TMEFF2: variants seen among roughly 807,000 people sequenced by gnomAD.
The protein encoded by TMEFF2 is tomoregulin-2.
In TMEFF2, 28 loss-of-function variants were observed where a neutral mutation model predicts 53.8. The ratio of observed to expected loss-of-function variants is 0.52; its 90% CI spans 0.39 to 0.71. The LOEUF is 0.71. TMEFF2 is among the 30% of genes least tolerant of loss of function. The probability of loss-of-function intolerance (pLI) is 0.00; values close to 1 mark genes in which losing one functional copy is unlikely to be tolerated. For synonymous variants in TMEFF2, 162 were observed against 166.3 expected, an observed-to-expected ratio of 0.97 and a Z score of 0.20; for missense variants, 353 against 455.2, an observed-to-expected ratio of 0.78 and a Z score of 2.04.
chr2:192,063,412 T>A (rs908912718), intron 4 of TMEFF2, among the ~76,000 whole-genome samples: 1 of 151,916 alleles, frequency 6.6e-6, no homozygotes, highest in Admixed American at 6.6e-5. Flanking sequence ...CATCATTGTA[T>A]TATTTAAATA....
chr2:191,957,331 T>C (rs1692135359), intron 7 of TMEFF2, among the ~76,000 whole-genome samples: 1 of 152,124 alleles, frequency 6.6e-6, no homozygotes, highest in Non-Finnish European at 1.5e-5. Context: ...CCCAAACACA[T>C]GAGAAATATA....
intron 4 of TMEFF2, among the ~76,000 whole-genome samples, chr2:192,076,455 A>G (rs78457407): frequency 0.035 from 5,264 of 152,238 alleles, 288 homozygotes; most frequent in African/African-American, 0.12. Flanking sequence ...ATAATTTTTA[A>G]TTCAATGATA....
intron 5 of TMEFF2, among the ~76,000 whole-genome samples, chr2:192,042,719 TG>T (rs368260089): frequency 5.3e-5 from 8 of 152,314 alleles, no homozygotes; most frequent in African/African-American, 1.9e-4. Context: ...GTTGCTTGGT[TG>T]ACTGAAACAT....
intron 5 of TMEFF2, among the ~76,000 whole-genome samples, chr2:192,049,148 G>GGTGT (rs1687699575): frequency 2.6e-5 from 1 of 37,994 alleles, no homozygotes; most frequent in Admixed American, 3.9e-4. Context: ...AGATACATTT[G>GGTGT]GTCTATGTGT....
At position 192,056,933 on chromosome 2, in the gene TMEFF2, C is replaced by T. The variant is rs992130303; in HGVS notation, c.536+746G>A. Among the ~76,000 whole-genome samples the T allele has an allele frequency of 1.1e-4, 16 of 152,258 alleles. No individual in the cohort carries two copies. The South Asian group carries it at 1.7e-3, about 16-fold the overall frequency. ...TCTGCCTTGATCTTGGACTTCTCAGCCTTCATAATGGTGAGGAATAAATTT... is the reference window on the plus strand; with the variant it reads ...TCTGCCTTGATCTTGGACTTCTCAGTCTTCATAATGGTGAGGAATAAATTT... On this transcript the variant is annotated intron_variant, in intron 5 of 9. Transcript: ENST00000272771.
chr2:192,131,778 TA>T (rs2105978049), intron 4 of TMEFF2, among the ~76,000 whole-genome samples: 1 of 152,244 alleles, frequency 6.6e-6, no homozygotes, highest in East Asian at 1.9e-4. Flanking sequence ...TCACCTGACC[TA>T]AAATCAAAGC....
intron 4 of TMEFF2, chr2:192,179,215 A>T (rs72920019): frequency 0.014 from 2,088 of 153,658 alleles, 23 homozygotes; most frequent in Non-Finnish European, 0.02. Context: ...TTCAGTTTCA[A>T]ATTATAAATC....
At chr2:191,986,024 T>C (rs764793642) in intron 7 of TMEFF2, among the ~76,000 whole-genome samples, 1 of 152,234 alleles carries the variant, frequency 6.6e-6, no homozygotes, top group Non-Finnish European at 1.5e-5. Flanking sequence ...TATGAAAGTT[T>C]TCATGAACAC....
At chr2:192,003,929 G>GT (rs1553512499) in intron 5 of TMEFF2, among the ~76,000 whole-genome samples, 79,406 of 117,474 alleles carry the variant, frequency 0.68, 24,649 homozygotes, top group East Asian at 0.86. Context: ...GTGTGTGTGT[G>GT]GGGGGGGGGC....
chr2:192,184,468 C>T lies in TMEFF2; in HGVS notation c.298G>A (p.Val100Met). 10 of 1,613,226 alleles carry T rather than the reference C, an allele frequency of 6.2e-6. No individual in the cohort carries two copies. Among genetic ancestry groups the T allele is most frequent in the African/African-American group, 1.3e-5 (1 of 74,986 alleles). ...TCCCCATTGGAGCCACACACAGGCA[C>T]ATAGTCATTGTTGCACTGGGAAACA... ...VCQFKCNNDY[V>M]PVCGSNGESY... is the part of the protein sequence containing the mutation. The change falls in exon 3 of 10, where the codon GTG (valine) becomes ATG (methionine). Residue 100 changes from valine to methionine, a missense_variant. Val to Met is a conservative substitution (Grantham distance 21). This residue lies in a region of TMEFF2 where 294 missense variants were observed against 397.3 expected (regional missense o/e 0.74). Coordinates refer to ENST00000272771, the MANE Select transcript of TMEFF2 (RefSeq NM_016192.4).
chr2:192,025,104 T>C (rs1052595287), intron 5 of TMEFF2, among the ~76,000 whole-genome samples: 6 of 152,188 alleles, frequency 3.9e-5, no homozygotes, highest in Admixed American at 1.3e-4. Flanking sequence ...CCGAGGGAAA[T>C]GCATGGTAGT....
intron 4 of TMEFF2, among the ~76,000 whole-genome samples, chr2:192,176,353 T>C (rs1691043484): frequency 6.6e-6 from 1 of 151,352 alleles, no homozygotes; most frequent in Non-Finnish European, 1.5e-5. Flanking sequence ...GTTCCATAAA[T>C]GGCGGGTCCT....
chr2:192,015,824 A>G (rs1559085428), intron 5 of TMEFF2, among the ~76,000 whole-genome samples: 1 of 152,182 alleles, frequency 6.6e-6, no homozygotes, highest in East Asian at 1.9e-4. Context: ...TCTTTGAAGC[A>G]TAATGCCAGT....
At chr2:192,160,150 G>A (rs1485358236) in intron 4 of TMEFF2, among the ~76,000 whole-genome samples, 1 of 152,162 alleles carries the variant, frequency 6.6e-6, no homozygotes, top group Non-Finnish European at 1.5e-5. Flanking sequence ...TGTGTTTGGG[G>A]AGGGGAGGCC....
chr2:192,188,694 C>T (rs1454025716), intron 2 of TMEFF2, among the ~76,000 whole-genome samples: 2 of 152,038 alleles, frequency 1.3e-5, no homozygotes, highest in Admixed American at 1.3e-4. Context: ...AAACATAAGG[C>T]TTCATCATAT....
At chr2:191,998,706 T>C (rs1374350630) in intron 6 of TMEFF2, among the ~76,000 whole-genome samples, 1 of 152,022 alleles carries the variant, frequency 6.6e-6, no homozygotes, top group Non-Finnish European at 1.5e-5. Flanking sequence ...ATGAAGTGAT[T>C]TGCTTTTAGT....
chr2:192,134,644 C>A (rs1689952822), intron 4 of TMEFF2, among the ~76,000 whole-genome samples: 1 of 152,186 alleles, frequency 6.6e-6, no homozygotes, highest in African/African-American at 2.4e-5. Flanking sequence ...CCAGGACTGG[C>A]AAATTAGCTT....
intron 5 of TMEFF2, among the ~76,000 whole-genome samples, chr2:192,009,909 T>C (rs1177624352): frequency 1.3e-5 from 2 of 152,188 alleles, no homozygotes; most frequent in Admixed American, 1.3e-4. Context: ...AATAAAAATA[T>C]TAGTTTTGAC....
chr2:192,018,083 T>C lies in TMEFF2; in HGVS notation c.537-18875A>G, dbSNP rs554089066. ...TTGTTGATGGAGTCACAGCAAGAGA[T>C]TGGAGGGGAGGGGGAGAATTTGTAC... On this transcript the variant is annotated intron_variant, in intron 5 of 9. Transcript: ENST00000272771. 5.3e-5 allele frequency among the ~76,000 whole-genome samples: 8 copies of C among 152,118 alleles called. No homozygotes were observed. In the South Asian group the frequency reaches 1.7e-3, roughly 32 times the overall value.
Sources: allele counts gnomAD v4.1 joint callset (sites outside exome capture counted in the v4.1 genomes callset), GRCh38; gene constraint gnomAD v4.1.1; regional missense constraint gnomAD v4.1.1; transcripts MANE v1.5; gene names NCBI Gene and HGNC (gene_info 2026-07-23, HGNC 2026-07-21).